LMOD2: variants seen among roughly 807,000 people sequenced by gnomAD.
LMOD2 encodes the protein leiomodin 2, also known as leiomodin-2.
Under a neutral mutation model 41.7 loss-of-function variants are expected in LMOD2, and 27 were observed. The ratio of observed to expected loss-of-function variants is 0.65; its 90% confidence interval spans 0.48 to 0.89. The LOEUF is 0.89. Among genes scored for constraint, LMOD2 ranks in the 40% least tolerant of loss-of-function variants. The probability of loss-of-function intolerance (pLI) is 0.00; values close to 1 mark genes in which losing one functional copy is unlikely to be tolerated. For synonymous variants in LMOD2, 251 were observed against 244.6 expected, an observed-to-expected ratio of 1.03 and a Z score of -0.25; for missense variants, 624 against 667.9, an observed-to-expected ratio of 0.93 and a Z score of 0.72.
intron 1 of LMOD2, 25 bp downstream of exon 1, chr7:123,656,261 G>C: frequency 6.3e-7 from 1 of 1,583,362 alleles, no homozygotes; most frequent in Non-Finnish European, 8.6e-7. Context: ...CTTTTCCTTG[G>C]CTAACCCCAC....
At chr7:123,657,256 C>T (rs528062726) in intron 1 of LMOD2, among the ~76,000 whole-genome samples, 1 of 152,184 alleles carries the variant, frequency 6.6e-6, no homozygotes, top group African/African-American at 2.4e-5. Context: ...AAAATTCTTC[C>T]GGAATTATGG....
At position 123,663,973 on chromosome 7, in the gene LMOD2, GTTAAT is replaced by G. The variant is rs1802931929; in HGVS notation, c.*233_*237del. The G allele has an allele frequency of 9.9e-6, 5 of 504,830 alleles. No homozygotes were observed. The highest frequency in any genetic ancestry group is 6.5e-5 in the South Asian group (2 of 30,612). The allele number at this position is 504,830 out of a possible 1,614,324, so 31.3% of individuals were successfully genotyped here. A position where few individuals can be genotyped will look rare whatever the true frequency, so the allele number is the denominator to read the frequency against. On this transcript the variant is annotated 3_prime_UTR_variant, in exon 3 of 3. Transcript: ENST00000458573. ...GTGAGATTTGTATTGGCAAGAAGCA[GTTAAT>G]TTAAAGATGCTCTTCCTATCTGTGG...
intron 1 of LMOD2, among the ~76,000 whole-genome samples, chr7:123,657,600 T>C (rs1802807882): frequency 6.7e-6 from 1 of 149,976 alleles, no homozygotes; most frequent in Non-Finnish European, 1.5e-5. Context: ...TTAAGAGGGA[T>C]TTTTTTTTCT....
chr7:123,656,909 T>C (rs1455486946), intron 1 of LMOD2, among the ~76,000 whole-genome samples: 17 of 152,174 alleles, frequency 1.1e-4, no homozygotes. Flanking sequence ...TTTTGATAAG[T>C]TATGAACCTT....
Position 123,661,869 on chromosome 7 carries a change from G to T in LMOD2, c.283G>T (p.Asp95Tyr). 6.6e-7 allele frequency: 1 copy of T among 1,518,478 alleles called. No individual in the cohort carries two copies. Among genetic ancestry groups the T allele is most frequent in the South Asian group, 1.3e-5 (1 of 77,874 alleles). 94.1% of individuals were successfully genotyped at this position (1,518,478 alleles called of 1,614,324 possible). The change falls in exon 2 of 3, where the codon GAC (aspartate) becomes TAC (tyrosine). Residue 95 changes from aspartate (D) to tyrosine (Y), a missense_variant. Coordinates refer to ENST00000458573, the MANE Select transcript of LMOD2 (RefSeq NM_207163.3). ...RLGECGKVAEDKEESEEELIF... is the reference protein window; with the variant it reads ...RLGECGKVAEYKEESEEELIF... Reference sequence around the variant, plus strand: ...ATATCATACTCTTTAGGTTGCAGAAGACAAAGAGGAAAGTGAAGAAGAGCT... The same window carrying T: ...ATATCATACTCTTTAGGTTGCAGAATACAAAGAGGAAAGTGAAGAAGAGCT...
At chr7:123,658,787 C>T (rs1802830587) in intron 1 of LMOD2, among the ~76,000 whole-genome samples, 1 of 152,214 alleles carries the variant, frequency 6.6e-6, no homozygotes, top group Non-Finnish European at 1.5e-5. Flanking sequence ...GCCCGGTCAG[C>T]AGCATCAGCA....
chr7:123,661,325 G>T (rs1324826089), intron 1 of LMOD2, among the ~76,000 whole-genome samples: 1 of 152,210 alleles, frequency 6.6e-6, no homozygotes, highest in Non-Finnish European at 1.5e-5. Context: ...AGAGTGGTTG[G>T]CTTCTGTCAC....
At chr7:123,660,516 C>T (rs1037626826) in intron 1 of LMOD2, among the ~76,000 whole-genome samples, 8 of 151,904 alleles carry the variant, frequency 5.3e-5, no homozygotes, top group South Asian at 2.1e-4. Context: ...ACTGGGCAAA[C>T]GAACCTGGAG....
At chr7:123,658,169 C>G (rs975458486) in intron 1 of LMOD2, among the ~76,000 whole-genome samples, 1 of 152,088 alleles carries the variant, frequency 6.6e-6, no homozygotes, top group African/African-American at 2.4e-5. Context: ...AAAGGTTTTG[C>G]TGATCCCTGC....
Position 123,661,952 on chromosome 7 carries a change from G to C in LMOD2, c.366G>C (p.Glu122Asp). 1 of 1,556,572 alleles carries C rather than the reference G, an allele frequency of 6.4e-7. No individual in the cohort carries two copies. Among genetic ancestry groups the C allele is most frequent in the South Asian group, 1.2e-5 (1 of 84,356 alleles). ...VSEEVYTEEE[E>D]EESQEEEEEE... Reference sequence around the variant, plus strand: ...AGGAAGTGTATACAGAGGAGGAGGAGGAGGAGTCCCAGGAGGAAGAGGAGG... The same window carrying C: ...AGGAAGTGTATACAGAGGAGGAGGACGAGGAGTCCCAGGAGGAAGAGGAGG... Residue 122 changes from glutamate to aspartate, a missense_variant, in exon 2 of 3, where the codon GAG becomes GAC. Physicochemically the swap from Glu to Asp is conservative, Grantham distance 45. Transcript: ENST00000458573.
Position 123,663,087 on chromosome 7 carries a change from A to G in LMOD2, c.1501A>G (p.Arg501Gly). ...TCTAAAGGAAATAAAAAATTCTCTG[A>G]GGTCAGTGCAAGAGAAGAAAATGGA... The part of the protein sequence containing the change: ...SILKEIKNSL[R>G]SVQEKKMEDS... The change falls in exon 2 of 3, where the codon AGG becomes GGG. Residue 501 changes from arginine (R) to glycine (G), a missense_variant. Physicochemically the swap from Arg to Gly is moderately radical, Grantham distance 125. Coordinates refer to ENST00000458573, the MANE Select transcript of LMOD2 (RefSeq NM_207163.3). 1 of 1,560,452 alleles carries G rather than the reference A, an allele frequency of 6.4e-7. No individual in the cohort carries two copies. The highest frequency in any genetic ancestry group is 1.9e-5 in the Admixed American group (1 of 51,722).
rs1035343688 is a variant in LMOD2, at chr7:123,659,532, T to C, written c.274-2328T>C. 2.6e-5 allele frequency among the ~76,000 whole-genome samples: 4 copies of C among 152,312 alleles called. No homozygotes were observed. In the East Asian group the frequency reaches 7.7e-4, roughly 29 times the overall value. The stretch of plus-strand genomic sequence containing the variant: ...GGAAACCCTTCACACTCAGGCAAAC[T>C]GGGAGGGTTTATCACCTTTCTCCTG... On this transcript the variant is annotated intron_variant, in intron 1 of 2. Coordinates refer to ENST00000458573, the MANE Select transcript of LMOD2 (RefSeq NM_207163.3).
Position 123,662,467 on chromosome 7 carries a change from A to C in LMOD2, c.881A>C (p.His294Pro), listed in dbSNP as rs1562951484. 6.2e-7 allele frequency: 1 copy of C among 1,614,014 alleles called. No individual in the cohort carries two copies. The highest frequency in any genetic ancestry group is 8.5e-7 in the Non-Finnish European group (1 of 1,179,898). ...GILAIMRALQHNTVLTELRFH... is the reference protein window; with the variant it reads ...GILAIMRALQPNTVLTELRFH... ...CTGGCCATCATGAGAGCTCTCCAGC[A>C]CAACACGGTGCTCACGGAGCTGCGT... Residue 294 changes from histidine (H) to proline (P), a missense_variant, in exon 2 of 3, where the codon CAC becomes CCC. Physicochemically the swap from His to Pro is moderately conservative, Grantham distance 77. Transcript: ENST00000458573. The surrounding 1 kb of genome is among the most constrained non-coding windows in gnomAD (Gnocchi z 4.0).
rs746530747 is a variant in LMOD2 at position 123,662,345 on chromosome 7, C to T, written c.759C>T (p.Asp253=). ...KTFSLANTHA[D]DSAAMAIAEM... is the part of the protein sequence containing the mutation. Reference sequence around the variant, plus strand: ...TCAGTCTGGCCAACACGCATGCCGACGACAGTGCAGCCATGGCCATTGCAG... The same window carrying T: ...TCAGTCTGGCCAACACGCATGCCGATGACAGTGCAGCCATGGCCATTGCAG... The change falls in exon 2 of 3, where the codon GAC becomes GAT. Residue 253 remains aspartate, a synonymous_variant. Transcript: ENST00000458573. This position sits in a 1 kb window ranked among gnomAD's most constrained non-coding sequence, Gnocchi z 4.0. The T allele has an allele frequency of 4.3e-6, 7 of 1,613,950 alleles. No individual in the cohort carries two copies. The highest frequency in any genetic ancestry group is 5.1e-6 in the Non-Finnish European group (6 of 1,179,890).
At chr7:123,661,816 G>T (rs952797833) in intron 1 of LMOD2, 44 bp from the exon 2 acceptor site, 14 of 1,272,088 alleles carry the variant, frequency 1.1e-5, no homozygotes, top group Non-Finnish European at 1.3e-5. Flanking sequence ...ACTTAAAAAT[G>T]GTATCATTTT....
In LMOD2 at chr7:123,656,595, C is replaced by T. The variant is rs534793886; in HGVS notation, c.273+359C>T. Among the ~76,000 whole-genome samples, 18 of 152,256 alleles carry T rather than the reference C, an allele frequency of 1.2e-4. No individual in the cohort carries two copies. In the Middle Eastern group the frequency reaches 0.01, roughly 87 times the overall value. ...TATTTGTTCCCAAGATACATGCATA[C>T]GTATAAATGTATACTTTTTTTTCAG... is the stretch of plus-strand genomic sequence containing the variant. On this transcript the variant is annotated intron_variant, in intron 1 of 2. Transcript: ENST00000458573.
In LMOD2 at chr7:123,662,615, C is replaced by T. The variant is rs771988816; in HGVS notation, c.1029C>T (p.Ser343=). The T allele has an allele frequency of 4.3e-6, 7 of 1,613,958 alleles. No individual in the cohort carries two copies. The highest frequency in any genetic ancestry group is 1.6e-4 in the Middle Eastern group (1 of 6,062). The change falls in exon 2 of 3, where the codon AGC becomes AGT. Residue 343 remains serine (S), a synonymous_variant. Coordinates refer to ENST00000458573, the MANE Select transcript of LMOD2 (RefSeq NM_207163.3). This position sits in a 1 kb window ranked among gnomAD's most constrained non-coding sequence, Gnocchi z 4.0. ...TTGAACTCCCAGGACCAAGAATGAGCATGACGAGCATTTTGACAAGAAATA... is the reference window on the plus strand; with the variant it reads ...TTGAACTCCCAGGACCAAGAATGAGTATGACGAGCATTTTGACAAGAAATA... ...YHFELPGPRM[S]MTSILTRNMD...
chr7:123,656,458 T>C (rs1334416461), intron 1 of LMOD2, among the ~76,000 whole-genome samples: 1 of 152,228 alleles, frequency 6.6e-6, no homozygotes, highest in Non-Finnish European at 1.5e-5. Context: ...GGCTCTTTGA[T>C]TGATTACAAA....
chr7:123,660,850 G>T (rs1384056505), intron 1 of LMOD2, among the ~76,000 whole-genome samples: 1 of 152,078 alleles, frequency 6.6e-6, no homozygotes, highest in Non-Finnish European at 1.5e-5. Context: ...AATTGTGTTT[G>T]CCTGAAAGCC....
Sources: allele counts gnomAD v4.1 joint callset (sites outside exome capture counted in the v4.1 genomes callset), GRCh38; gene constraint gnomAD v4.1.1; non-coding constraint Gnocchi (gnomAD v3.1); transcripts MANE v1.5; gene names NCBI Gene and HGNC (gene_info 2026-07-23, HGNC 2026-07-21).